The following IQCH variants were observed in gnomAD, a reference collection of about 807,000 sequenced individuals.
The protein encoded by IQCH is IQ domain-containing protein H.
In IQCH, 98 loss-of-function variants were observed where a neutral mutation model predicts 117.0. The observed-to-expected ratio is 0.84, with a 90% CI of 0.71 to 0.99. The LOEUF (loss-of-function observed/expected upper bound fraction) is 0.99. Among genes scored for constraint, IQCH ranks in the 50% least tolerant of loss-of-function variants. IQCH has a pLI of 0.00. For missense variants in IQCH, 1,102 were observed against 1,243.8 expected, an observed-to-expected ratio of 0.89 and a Z score of 1.72; for synonymous variants, 412 against 448.2, an observed-to-expected ratio of 0.92 and a Z score of 1.02.
chr15:67,449,342 G>GT (rs1475756930), intron 16 of IQCH, among the ~76,000 whole-genome samples: 1 of 152,098 alleles, frequency 6.6e-6, no homozygotes, highest in African/African-American at 2.4e-5. Flanking sequence ...TTCTTCTAGG[G>GT]TTTTTATGGT....
chr15:67,360,451 TGG>T (rs999691676), intron 8 of IQCH, among the ~76,000 whole-genome samples: 1 of 152,186 alleles, frequency 6.6e-6, no homozygotes, highest in Non-Finnish European at 1.5e-5. Context: ...AGGCCATGCA[TGG>T]GTAATAAAAG....
At chr15:67,489,429 G>T (rs1373781553) in intron 18 of IQCH, among the ~76,000 whole-genome samples, 1 of 151,820 alleles carries the variant, frequency 6.6e-6, no homozygotes, top group Non-Finnish European at 1.5e-5. Flanking sequence ...AGGTTCAAGC[G>T]ATTCTCCTGC....
At position 67,445,525 on chromosome 15, in the gene IQCH, G is replaced by A. The variant is rs2082371966; in HGVS notation, c.2506-19602G>A. ...GCAATCTCAGCTCACTGCAACCTCT[G>A]CCTCCTGGGTTCAAGCAATTCTTCT... On this transcript the variant is annotated intron_variant, in intron 16 of 20. Coordinates refer to ENST00000335894, the MANE Select transcript of IQCH (RefSeq NM_001031715.3). The surrounding 1 kb of genome is among the most constrained non-coding windows in gnomAD (Gnocchi z 4.3). Among the ~76,000 whole-genome samples the A allele has an allele frequency of 6.6e-6, 1 of 152,140 alleles. No homozygotes were observed. Among genetic ancestry groups the A allele is most frequent in the African/African-American group, 2.4e-5 (1 of 41,426 alleles).
chr15:67,493,073 T>C lies in IQCH; in HGVS notation c.2862-1185T>C, dbSNP rs551806136. 3.9e-5 allele frequency among the ~76,000 whole-genome samples: 6 copies of C among 152,344 alleles called. No homozygotes were observed. The highest frequency in any genetic ancestry group is 8.8e-5 in the Non-Finnish European group (6 of 68,034). On this transcript the variant is annotated intron_variant, in intron 19 of 20. Coordinates refer to ENST00000335894, the MANE Select transcript of IQCH (RefSeq NM_001031715.3). This position sits in a 1 kb window ranked among gnomAD's most constrained non-coding sequence, Gnocchi z 5.1. ...TAGTCCTATTGGTGTACCTTCTAGA[T>C]GGTTATTGCTATTCACACATCCTTC...
At position 67,459,463 on chromosome 15, in the gene IQCH, C is replaced by T. The variant is rs1451902393; in HGVS notation, c.2506-5664C>T. 1.3e-5 allele frequency among the ~76,000 whole-genome samples: 2 copies of T among 152,176 alleles called. No homozygotes were observed. The highest frequency in any genetic ancestry group is 2.9e-5 in the Non-Finnish European group (2 of 68,024). On this transcript the variant is annotated intron_variant, in intron 16 of 20. Transcript: ENST00000335894. This position sits in a 1 kb window ranked among gnomAD's most constrained non-coding sequence, Gnocchi z 4.2. Reference sequence around the variant, plus strand: ...TGCGTGCTCTGCCACCCATTCATCCCGCCTGTCACCAGAAAGAGGCAGAAG... The same window carrying T: ...TGCGTGCTCTGCCACCCATTCATCCTGCCTGTCACCAGAAAGAGGCAGAAG...
chr15:67,300,484 G>T (rs1966972144), intron 4 of IQCH, among the ~76,000 whole-genome samples: 1 of 152,192 alleles, frequency 6.6e-6, no homozygotes, highest in Non-Finnish European at 1.5e-5. Flanking sequence ...GTGGTTGAGA[G>T]AATGAGTGTT....
At chr15:67,449,870 T>C (rs1293979766) in intron 16 of IQCH, among the ~76,000 whole-genome samples, 1 of 152,236 alleles carries the variant, frequency 6.6e-6, no homozygotes, top group Non-Finnish European at 1.5e-5. Flanking sequence ...TGGAATGTTC[T>C]TCCATTTGTT....
rs901581214 is a variant in IQCH, at chr15:67,404,269, G to A, written c.2097+3964G>A. 1.3e-5 allele frequency: 2 copies of A among 152,140 alleles called. No individual in the cohort carries two copies. Among genetic ancestry groups the A allele is most frequent in the Admixed American group, 1.3e-4 (2 of 15,270 alleles). 9.4% of individuals were successfully genotyped at this position (152,140 alleles called of 1,614,324 possible). On this transcript the variant is annotated intron_variant, in intron 14 of 20. Transcript: ENST00000335894. The surrounding 1 kb of genome is among the most constrained non-coding windows in gnomAD (Gnocchi z 4.6). ...TTGTTTTGCCTCCTTTTAGAACTAA[G>A]GCAGCAAACAGAAAACACAATTACA...
At chr15:67,312,683 AAAGTGGT>A (rs1185739748) in intron 4 of IQCH, among the ~76,000 whole-genome samples, 2 of 152,188 alleles carry the variant, frequency 1.3e-5, no homozygotes, top group East Asian at 3.8e-4. Flanking sequence ...AGCAGCTACG[AAAGTGGT>A]AATGCTTGCA....
intron 8 of IQCH, among the ~76,000 whole-genome samples, chr15:67,360,554 G>A (rs1970089590): frequency 6.6e-6 from 1 of 152,206 alleles, no homozygotes; most frequent in Admixed American, 6.5e-5. Flanking sequence ...GACAAATGAG[G>A]ATAAAGCTTC....
In IQCH at chr15:67,413,764, AC is replaced by A. The variant is rs2081507666; in HGVS notation, c.2098-3163del. On this transcript the variant is annotated intron_variant, in intron 14 of 20. Coordinates refer to ENST00000335894, the MANE Select transcript of IQCH (RefSeq NM_001031715.3). The surrounding 1 kb of genome is among the most constrained non-coding windows in gnomAD (Gnocchi z 5.0). ...TGCCCCAGCATCCCTACTGAATGTC[AC>A]CCCGCCAGTGCCTTCAGCTGTGTAC... 6.6e-6 allele frequency among the ~76,000 whole-genome samples: 1 copy of A among 151,134 alleles called. No homozygotes were observed. The highest frequency in any genetic ancestry group is 6.6e-5 in the Admixed American group (1 of 15,218).
At chr15:67,378,282 G>A (rs1358186005) in intron 10 of IQCH, among the ~76,000 whole-genome samples, 1 of 151,790 alleles carries the variant, frequency 6.6e-6, no homozygotes, top group African/African-American at 2.4e-5. Context: ...GGAGTCACCT[G>A]ATACCCAGTT....
intron 15 of IQCH, among the ~76,000 whole-genome samples, chr15:67,419,176 A>T (rs916256090): frequency 6.6e-6 from 1 of 152,164 alleles, no homozygotes; most frequent in African/African-American, 2.4e-5. Flanking sequence ...AATTTTCTTC[A>T]TGAAGACACT....
In IQCH at chr15:67,342,467, A is replaced by T. The variant is rs187816477; in HGVS notation, c.509-1596A>T. ...AATTAGGATAATTGCTTCAACCAGC[A>T]CTAAAGCAAGGGTTGAAATCGTGCT... On this transcript the variant is annotated intron_variant, in intron 5 of 20. Transcript: ENST00000335894. This position sits in a 1 kb window ranked among gnomAD's most constrained non-coding sequence, Gnocchi z 4.7. Among the ~76,000 whole-genome samples the T allele has an allele frequency of 4.1e-4, 63 of 152,334 alleles. No homozygotes were observed. The highest frequency in any genetic ancestry group is 4.0e-3 in the East Asian group (21 of 5,188).
intron 3 of IQCH, among the ~76,000 whole-genome samples, chr15:67,265,220 T>C (rs1363795268): frequency 6.6e-6 from 1 of 152,242 alleles, no homozygotes; most frequent in East Asian, 1.9e-4. Flanking sequence ...CAATTGCAGC[T>C]ACAGAGAACA....
Position 67,473,670 on chromosome 15 carries a change from G to A in IQCH, c.2677-2026G>A, listed in dbSNP as rs1751726124. Among the ~76,000 whole-genome samples the A allele has an allele frequency of 2.6e-5, 4 of 152,142 alleles. No individual in the cohort carries two copies. The highest frequency in any genetic ancestry group is 2.0e-4 in the Admixed American group (3 of 15,280). On this transcript the variant is annotated intron_variant, in intron 17 of 20. Transcript: ENST00000335894. This position sits in a 1 kb window ranked among gnomAD's most constrained non-coding sequence, Gnocchi z 4.9. ...AGTGCCTGTTCTGTGCTGGTATCAT[G>A]CCCAAACTGGAGATTCAGAAACCAA...
rs2081370643 is a variant in IQCH at position 67,408,812 on chromosome 15, C to CT, written c.2098-8118dup. Among the ~76,000 whole-genome samples the CT allele has an allele frequency of 6.6e-6, 1 of 152,272 alleles. No individual in the cohort carries two copies. Among genetic ancestry groups the CT allele is most frequent in the Admixed American group, 6.5e-5 (1 of 15,304 alleles). ...ATTTCTCTAACTGGAAAGAAAGACC[C>CT]TATTACCAGTAATGATAATTATGGC... On this transcript the variant is annotated intron_variant, in intron 14 of 20. Coordinates refer to ENST00000335894, the MANE Select transcript of IQCH (RefSeq NM_001031715.3). This position sits in a 1 kb window ranked among gnomAD's most constrained non-coding sequence, Gnocchi z 4.2.
At chr15:67,279,337 A>G in intron 3 of IQCH, 58 bp from the exon 4 acceptor site, 1 of 893,390 alleles carries the variant, frequency 1.1e-6, no homozygotes, top group Non-Finnish European at 1.8e-6. Context: ...TAAAATTACA[A>G]TTTGAAAAGC....
At position 67,407,830 on chromosome 15, in the gene IQCH, C is replaced by T. The variant is rs974711786; in HGVS notation, c.2097+7525C>T. 1 of 152,224 alleles carries T rather than the reference C, an allele frequency of 6.6e-6. No individual in the cohort carries two copies. Among genetic ancestry groups the T allele is most frequent in the Non-Finnish European group, 1.5e-5 (1 of 68,040 alleles). The allele number at this position is 152,224 out of a possible 1,614,324, so 9.4% of individuals were successfully genotyped here. A position where few individuals can be genotyped will look rare whatever the true frequency, so the allele number is the denominator to read the frequency against. On this transcript the variant is annotated intron_variant, in intron 14 of 20. Coordinates refer to ENST00000335894, the MANE Select transcript of IQCH (RefSeq NM_001031715.3). This position sits in a 1 kb window ranked among gnomAD's most constrained non-coding sequence, Gnocchi z 5.3. ...GCACAGATCCCACAGTCTGGAAACA[C>T]TCTACCTTCCAGCCATTAGCTCTCA...
Sources: gnomAD v4.1 joint callset for allele counts (sites outside exome capture counted in the v4.1 genomes callset) on GRCh38, gnomAD v4.1.1 for gene constraint, Gnocchi (gnomAD v3.1) non-coding constraint, MANE v1.5 for transcripts, NCBI Gene and HGNC (gene_info 2026-07-23, HGNC 2026-07-21) for gene names.